FAAH2: variants seen among roughly 807,000 people sequenced by gnomAD.
The protein encoded by FAAH2 is fatty acid amide hydrolase 2.
In FAAH2, 60 loss-of-function variants were observed where a neutral mutation model predicts 36.9. The ratio of observed to expected loss-of-function variants is 1.63; its 90% CI spans 1.32 to 2.02. The LOEUF (loss-of-function observed/expected upper bound fraction) is 2.02. Among genes scored for constraint, FAAH2 ranks in the 30% most tolerant of loss-of-function variants. FAAH2 has a pLI of 0.00. For synonymous variants in FAAH2, 214 were observed against 143.8 expected, an observed-to-expected ratio of 1.49 and a Z score of -3.49; for missense variants, 689 against 397.5, an observed-to-expected ratio of 1.73 and a Z score of -6.23.
chrX:57,203,693 A>G, the FAAH2 span, among the ~76,000 whole-genome samples: 19 of 112,073 alleles, frequency 1.7e-4, no homozygotes, highest in Non-Finnish European at 3.4e-4. Flanking sequence ...ATTTTTATCT[A>G]TTTTAATGGG....
the FAAH2 span, among the ~76,000 whole-genome samples, chrX:57,184,682 TGAA>T: frequency 4.4e-5 from 5 of 112,450 alleles, no homozygotes; most frequent in Admixed American, 9.4e-5. Flanking sequence ...TCCATAACTA[TGAA>T]GAAGTTGAAT....
chrX:57,216,594 A>ACG, the FAAH2 span, among the ~76,000 whole-genome samples: 2 of 45,440 alleles, frequency 4.4e-5, no homozygotes, highest in African/African-American at 2.0e-4. Context: ...ATATGTATAT[A>ACG]TATGTATATA....
intron 10 of FAAH2, among the ~76,000 whole-genome samples, chrX:57,474,979 G>A: frequency 9.0e-6 from 1 of 111,585 alleles, no homozygotes; most frequent in South Asian, 3.7e-4. Context: ...TATATCTGCT[G>A]GCCGTATAAA....
intron 7 of FAAH2, among the ~76,000 whole-genome samples, chrX:57,392,406 T>C: frequency 8.9e-6 from 1 of 111,954 alleles, no homozygotes. Flanking sequence ...CAAAACTATT[T>C]CCTTTTATTC....
At chrX:57,171,723 G>A in the FAAH2 span, among the ~76,000 whole-genome samples, 1 of 111,656 alleles carries the variant, frequency 9.0e-6, no homozygotes, top group Admixed American at 9.5e-5. Flanking sequence ...TCTGTTTACT[G>A]TGCTGATTAT....
At chrX:57,211,249 C>T in the FAAH2 span, among the ~76,000 whole-genome samples, 1 of 112,079 alleles carries the variant, frequency 8.9e-6, no homozygotes. Context: ...GGTCTCACTA[C>T]CACCTTTGGA....
intron 9 of FAAH2, among the ~76,000 whole-genome samples, chrX:57,448,231 G>A (rs1421795278): frequency 1.8e-5 from 2 of 112,180 alleles, no homozygotes; most frequent in Non-Finnish European, 3.8e-5. Context: ...TTGGCCTTGA[G>A]AAGTGCTGGG....
intron 8 of FAAH2, among the ~76,000 whole-genome samples, chrX:57,439,366 T>G (rs1465324557): frequency 8.9e-6 from 1 of 112,106 alleles, no homozygotes; most frequent in Non-Finnish European, 1.9e-5. Flanking sequence ...TGATGAGCAT[T>G]TTTTCATGTG....
At chrX:57,438,642 G>T (rs2056471268) in intron 8 of FAAH2, among the ~76,000 whole-genome samples, 1 of 108,783 alleles carries the variant, frequency 9.2e-6, no homozygotes, top group Non-Finnish European at 1.9e-5. Flanking sequence ...GGGTACATGT[G>T]CACAATGTGC....
intron 5 of FAAH2, among the ~76,000 whole-genome samples, chrX:57,361,025 C>T (rs901347479): frequency 6.3e-5 from 7 of 111,704 alleles, no homozygotes; most frequent in Admixed American, 9.5e-5. Flanking sequence ...TTTATGGTTG[C>T]ATAGTATTCC....
intron 8 of FAAH2, among the ~76,000 whole-genome samples, chrX:57,442,320 T>C (rs2056577404): frequency 8.9e-6 from 1 of 112,037 alleles, no homozygotes; most frequent in Non-Finnish European, 1.9e-5. Flanking sequence ...ATATTTAGGA[T>C]AGTTAGCTCT....
intron 2 of FAAH2, among the ~76,000 whole-genome samples, chrX:57,297,569 G>C (rs1481684379): frequency 3.0e-5 from 2 of 66,219 alleles, no homozygotes; most frequent in East Asian, 1.1e-3. Flanking sequence ...AACCAGCTAA[G>C]ATCATAATGA....
At chrX:57,232,910 A>G in the FAAH2 span, among the ~76,000 whole-genome samples, 1 of 112,500 alleles carries the variant, frequency 8.9e-6, no homozygotes, top group East Asian at 2.8e-4. Context: ...TGTTACAGTA[A>G]TGAAGGAACT....
chrX:57,462,163 T>TCC (rs2056968936), intron 10 of FAAH2, among the ~76,000 whole-genome samples: 1 of 4,215 alleles, frequency 2.4e-4, no homozygotes, highest in Admixed American at 3.2e-3. Flanking sequence ...ATTAATAGCC[T>TCC]ACAAAAAAAA....
intron 8 of FAAH2, among the ~76,000 whole-genome samples, chrX:57,442,504 T>C (rs1237084115): frequency 9.0e-6 from 1 of 111,260 alleles, no homozygotes; most frequent in East Asian, 2.8e-4. Flanking sequence ...AATGTGTGTC[T>C]CTGCATGTGA....
the FAAH2 span, among the ~76,000 whole-genome samples, chrX:57,154,798 A>T: frequency 6.4e-5 from 7 of 109,418 alleles, no homozygotes; most frequent in Admixed American, 2.0e-4. Flanking sequence ...CATTTGGTTA[A>T]GTCTATGTCT....
intron 7 of FAAH2, chrX:57,393,281 G>A (rs2055210594): frequency 9.0e-7 from 1 of 1,113,457 alleles, no homozygotes; most frequent in East Asian, 3.0e-5. Flanking sequence ...CTCTATGTAA[G>A]CCTTGGGAAG....
the FAAH2 span, among the ~76,000 whole-genome samples, chrX:57,212,265 A>T: frequency 8.9e-6 from 1 of 112,246 alleles, no homozygotes; most frequent in African/African-American, 3.2e-5. Context: ...CTGTTACACA[A>T]GTTGCAAAGG....
At chrX:57,462,450 C>T (rs967729450) in intron 10 of FAAH2, among the ~76,000 whole-genome samples, 2 of 111,655 alleles carry the variant, frequency 1.8e-5, no homozygotes, top group Admixed American at 9.5e-5. Flanking sequence ...CATCAAAAAG[C>T]TTATCCATCA....
Sources: gnomAD v4.1 joint callset for allele counts (sites outside exome capture counted in the v4.1 genomes callset) on GRCh38, gnomAD v4.1.1 for gene constraint, MANE v1.5 for transcripts, NCBI Gene and HGNC (gene_info 2026-07-23, HGNC 2026-07-21) for gene names.